Variants in NIPBL observed in about 807,000 individuals in gnomAD.
NIPBL encodes nipped-B-like protein.
A neutral mutation model predicts 321.8 loss-of-function variants in NIPBL; 19 were observed. The ratio of observed to expected loss-of-function variants is 0.06; its 90% confidence interval spans 0.04 to 0.09. NIPBL has a LOEUF of 0.09. Among genes scored for constraint, NIPBL ranks in the 10% least tolerant of loss-of-function variants. NIPBL has a pLI of 1.00. For missense variants in NIPBL, 2,210 were observed against 3,327.0 expected (o/e 0.66, Z 8.26); for synonymous variants, 1,106 against 1,114.1 (o/e 0.99, Z 0.14).
intron 1 of NIPBL, chr5:36,885,886 C>T (rs1745862117): frequency 1.4e-6 from 1 of 733,750 alleles, no homozygotes; most frequent in Non-Finnish European, 2.5e-6. Flanking sequence ...AAGCCCAGCT[C>T]ACCAGCTCTG....
intron 6 of NIPBL, among the ~76,000 whole-genome samples, chr5:36,966,761 T>C (rs575701419): frequency 1.3e-5 from 2 of 152,076 alleles, no homozygotes; most frequent in Non-Finnish European, 2.9e-5. Context: ...TAATAAATGA[T>C]GTTGGTGATT....
chr5:37,035,240 C>T (rs892865718), intron 32 of NIPBL, among the ~76,000 whole-genome samples: 2 of 152,226 alleles, frequency 1.3e-5, no homozygotes, highest in African/African-American at 4.8e-5. Context: ...CACTGCACTC[C>T]AGCCTGAGTG....
chr5:36,975,682 G>A (rs1170486575), intron 8 of NIPBL, 94 bp from the exon 9 acceptor site: 6 of 1,159,390 alleles, frequency 5.2e-6, no homozygotes, highest in Non-Finnish European at 7.5e-6. Flanking sequence ...TTTTTTTCTA[G>A]TATTACTATA....
At chr5:37,041,881 T>A (rs1475891130) in intron 34 of NIPBL, among the ~76,000 whole-genome samples, 1 of 152,002 alleles carries the variant, frequency 6.6e-6, no homozygotes, top group Non-Finnish European at 1.5e-5. Context: ...TTTTTTTTTT[T>A]TTTAAGTAAA....
intron 30 of NIPBL, among the ~76,000 whole-genome samples, chr5:37,025,515 G>T (rs939596863): frequency 1.3e-5 from 2 of 151,932 alleles, no homozygotes; most frequent in Non-Finnish European, 2.9e-5. Flanking sequence ...AGGGAGGGAA[G>T]GGTTGTGAGG....
intron 1 of NIPBL, among the ~76,000 whole-genome samples, chr5:36,927,514 G>C (rs546893397): frequency 2.0e-4 from 30 of 152,210 alleles, no homozygotes; most frequent in South Asian, 1.2e-3. Flanking sequence ...GAGCATGGTG[G>C]CTTGGAAATG....
chr5:37,032,168 A>G (rs1751104620), intron 32 of NIPBL, among the ~76,000 whole-genome samples: 2 of 152,198 alleles, frequency 1.3e-5, no homozygotes. Context: ...ACGATTGAGA[A>G]CAACTGTTCT....
intron 1 of NIPBL, among the ~76,000 whole-genome samples, chr5:36,948,117 T>C (rs753958431): frequency 5.9e-4 from 90 of 151,994 alleles, no homozygotes; most frequent in Non-Finnish European, 1.0e-3. Context: ...CTCTGAAATA[T>C]GTACCCCCCT....
chr5:37,010,487 T>C (rs1409430579), intron 21 of NIPBL, among the ~76,000 whole-genome samples: 1 of 152,098 alleles, frequency 6.6e-6, no homozygotes, highest in African/African-American at 2.4e-5. Flanking sequence ...GGCTAATTTA[T>C]GTATTTTTAG....
chr5:37,003,399 A>G lies in NIPBL; in HGVS notation c.3855+52A>G, dbSNP rs62654860. 0.14 allele frequency: 144,715 copies of G among 1,037,180 alleles called. 10,723 individuals are homozygous for G. The highest frequency in any genetic ancestry group is 0.23 in the Admixed American group (12,836 of 56,824). 64.2% of individuals were successfully genotyped at this position (1,037,180 alleles called of 1,614,324 possible). A position where few individuals can be genotyped will look rare whatever the true frequency, so the allele number is the denominator to read the frequency against. On this transcript the variant is annotated intron_variant, in intron 16 of 46. Transcript: ENST00000282516. Reference sequence around the variant, plus strand: ...TTTACCCTTAATGTTATTAAGATCTATAGTAGTCCCCCACTTCTCTATTGT... The same window carrying G: ...TTTACCCTTAATGTTATTAAGATCTGTAGTAGTCCCCCACTTCTCTATTGT...
intron 1 of NIPBL, among the ~76,000 whole-genome samples, chr5:36,916,624 A>G (rs1044663694): frequency 8.5e-5 from 13 of 152,062 alleles, no homozygotes; most frequent in Admixed American, 6.6e-5. Flanking sequence ...TACATTAGGT[A>G]TATCTCCTAA....
At chr5:36,908,322 A>G (rs776349356) in intron 1 of NIPBL, among the ~76,000 whole-genome samples, 21 of 152,190 alleles carry the variant, frequency 1.4e-4, no homozygotes, top group African/African-American at 2.7e-4. Flanking sequence ...TTTACATATG[A>G]TAGCCCTCTA....
intron 34 of NIPBL, among the ~76,000 whole-genome samples, chr5:37,039,518 C>T (rs1347104839): frequency 6.6e-6 from 1 of 151,936 alleles, no homozygotes; most frequent in African/African-American, 2.4e-5. Context: ...TGTATAATGT[C>T]ATTTGCTTTA....
chr5:37,012,284 G>C (rs1296907319), intron 21 of NIPBL, among the ~76,000 whole-genome samples: 8 of 150,154 alleles, frequency 5.3e-5, no homozygotes, highest in South Asian at 2.1e-4. Flanking sequence ...CGAGTAGCTG[G>C]AACTACAGGC....
intron 1 of NIPBL, among the ~76,000 whole-genome samples, chr5:36,915,039 A>C (rs1748351270): frequency 6.6e-6 from 1 of 152,154 alleles, no homozygotes; most frequent in African/African-American, 2.4e-5. Flanking sequence ...AGCATTAGAT[A>C]GTGTTTTCAG....
At chr5:37,046,991 C>T (rs1233056982) in intron 38 of NIPBL, among the ~76,000 whole-genome samples, 1 of 152,074 alleles carries the variant, frequency 6.6e-6, no homozygotes, top group Non-Finnish European at 1.5e-5. Context: ...AAAAAAATTA[C>T]ACCTGTACTA....
At chr5:36,938,770 C>T (rs544084471) in intron 1 of NIPBL, among the ~76,000 whole-genome samples, 1 of 152,248 alleles carries the variant, frequency 6.6e-6, no homozygotes, top group East Asian at 1.9e-4. Flanking sequence ...CACAATAATA[C>T]AATTTTACAT....
chr5:36,975,770 T>A lies in NIPBL; in HGVS notation c.869-6T>A. 6.2e-7 allele frequency: 1 copy of A among 1,613,398 alleles called. No individual in the cohort carries two copies. Among genetic ancestry groups the A allele is most frequent in the Non-Finnish European group, 8.5e-7 (1 of 1,179,674 alleles). On this transcript the variant is annotated splice_polypyrimidine_tract_variant and splice_region_variant and intron_variant, in intron 8 of 46. Transcript: ENST00000282516. Reference sequence around the variant, plus strand: ...AACTGTTACTTCTATCGAATTATTTTTCTAGGCTCAAGACCACCTTTAATC... The same window carrying A: ...AACTGTTACTTCTATCGAATTATTTATCTAGGCTCAAGACCACCTTTAATC...
At chr5:36,916,324 A>G (rs952891082) in intron 1 of NIPBL, among the ~76,000 whole-genome samples, 30 of 152,360 alleles carry the variant, frequency 2.0e-4, no homozygotes, top group Non-Finnish European at 2.9e-4. Context: ...GAAACTGACA[A>G]TGTTTCTTCT....
Sources: gnomAD v4.1 joint callset for allele counts (sites outside exome capture counted in the v4.1 genomes callset) on GRCh38, gnomAD v4.1.1 for gene constraint, MANE v1.5 for transcripts, NCBI Gene and HGNC (gene_info 2026-07-23, HGNC 2026-07-21) for gene names.